CALN1: variants seen among roughly 807,000 people sequenced by gnomAD.
CALN1 encodes the protein calneuron 1, also known as calcium-binding protein 8.
In CALN1, 17 loss-of-function variants were observed where a neutral mutation model predicts 30.6. The ratio of observed to expected loss-of-function variants is 0.56; its 90% CI spans 0.38 to 0.83. CALN1 has a LOEUF of 0.83. CALN1 is among the 40% of genes least tolerant of loss of function. The pLI, the probability that CALN1 is intolerant of heterozygous loss-of-function variation, is 0.00. For missense variants in CALN1, 291 were observed against 354.9 expected (o/e 0.82, Z 1.45); for synonymous variants, 156 against 131.4 (o/e 1.19, Z -1.28).
At chr7:71,942,729 G>C (rs1045842252) in intron 5 of CALN1, among the ~76,000 whole-genome samples, 1 of 152,076 alleles carries the variant, frequency 6.6e-6, no homozygotes, top group East Asian at 1.9e-4. Context: ...GAATGAAGAA[G>C]GTATGATATA....
intron 4 of CALN1, among the ~76,000 whole-genome samples, chr7:72,025,263 T>C (rs844783): frequency 0.01 from 1,587 of 152,110 alleles, 31 homozygotes; most frequent in African/African-American, 0.037. Flanking sequence ...TGAGCCAAGA[T>C]CGCACTGCTG....
At chr7:72,257,754 T>C (rs559592464) in intron 3 of CALN1, among the ~76,000 whole-genome samples, 1 of 152,148 alleles carries the variant, frequency 6.6e-6, no homozygotes, top group South Asian at 2.1e-4. Flanking sequence ...ATGTAGTATA[T>C]GTTATGTGCA....
At chr7:72,091,474 A>C (rs1290344290) in intron 4 of CALN1, among the ~76,000 whole-genome samples, 1 of 152,256 alleles carries the variant, frequency 6.6e-6, no homozygotes, top group Non-Finnish European at 1.5e-5. Context: ...TGATCATCAC[A>C]CATCATATGC....
upstream of CALN1, among the ~76,000 whole-genome samples, chr7:72,451,588 A>G (rs148336243): frequency 3.8e-3 from 573 of 152,066 alleles, 3 homozygotes; most frequent in African/African-American, 0.013. Flanking sequence ...TGACCTATCA[A>G]CCTCCAAACA....
intron 2 of CALN1, among the ~76,000 whole-genome samples, chr7:72,303,206 A>G (rs1453827631): frequency 6.6e-6 from 1 of 152,202 alleles, no homozygotes; most frequent in Non-Finnish European, 1.5e-5. Context: ...AATTCATGAG[A>G]TGGATTCTAA....
At chr7:72,408,415 A>G (rs1304184514) in intron 1 of CALN1, among the ~76,000 whole-genome samples, 2 of 152,210 alleles carry the variant, frequency 1.3e-5, no homozygotes, top group East Asian at 3.9e-4. Flanking sequence ...ACTACACTCC[A>G]GCCTGGGCAA....
chr7:71,957,061 T>G (rs1796997454), intron 5 of CALN1, among the ~76,000 whole-genome samples: 1 of 151,782 alleles, frequency 6.6e-6, no homozygotes, highest in Non-Finnish European at 1.5e-5. Flanking sequence ...TATGAATTGG[T>G]GGGGAGGTGG....
intron 5 of CALN1, among the ~76,000 whole-genome samples, chr7:71,985,121 T>A (rs1798594947): frequency 6.6e-6 from 1 of 151,536 alleles, no homozygotes; most frequent in Non-Finnish European, 1.5e-5. Context: ...TTGAAAAACC[T>A]GGCAAAGACG....
intron 3 of CALN1, among the ~76,000 whole-genome samples, chr7:72,187,185 G>C (rs1790267265): frequency 6.6e-6 from 1 of 152,120 alleles, no homozygotes; most frequent in East Asian, 1.9e-4. Flanking sequence ...AAAACAGGAT[G>C]AATGGATGAA....
intron 4 of CALN1, among the ~76,000 whole-genome samples, chr7:72,044,392 G>A (rs970041114): frequency 1.3e-5 from 2 of 151,950 alleles, no homozygotes; most frequent in Non-Finnish European, 2.9e-5. Flanking sequence ...TGGGGAGATG[G>A]GGGATGAGCA....
chr7:71,839,810 A>G (rs1365023393), intron 5 of CALN1, among the ~76,000 whole-genome samples: 1 of 152,174 alleles, frequency 6.6e-6, no homozygotes, highest in Non-Finnish European at 1.5e-5. Flanking sequence ...AACAAGACAG[A>G]TACTGCATTC....
intron 2 of CALN1, among the ~76,000 whole-genome samples, chr7:72,295,487 A>G (rs1318901383): frequency 6.6e-6 from 1 of 151,354 alleles, no homozygotes; most frequent in Non-Finnish European, 1.5e-5. Flanking sequence ...GATTCTTCCT[A>G]CCCATGAGCA....
intron 3 of CALN1, among the ~76,000 whole-genome samples, chr7:72,136,305 A>G (rs1008450959): frequency 3.9e-5 from 6 of 152,120 alleles, no homozygotes; most frequent in Admixed American, 1.3e-4. Context: ...TTGTACTTTT[A>G]TATTATGGAG....
At chr7:72,110,172 G>A (rs1807461781) in intron 3 of CALN1, among the ~76,000 whole-genome samples, 1 of 152,120 alleles carries the variant, frequency 6.6e-6, no homozygotes, top group African/African-American at 2.4e-5. Flanking sequence ...TGGTCTTCCT[G>A]TATGCCCTAG....
intron 5 of CALN1, among the ~76,000 whole-genome samples, chr7:71,934,070 T>C: frequency 6.6e-6 from 1 of 152,218 alleles, no homozygotes; most frequent in East Asian, 1.9e-4. Flanking sequence ...AGCTCCCTAT[T>C]TGAAAATGCT....
chr7:71,907,549 C>T (rs563291493), intron 5 of CALN1, among the ~76,000 whole-genome samples: 1 of 152,302 alleles, frequency 6.6e-6, no homozygotes, highest in Admixed American at 6.5e-5. Flanking sequence ...TTCAGTCCTT[C>T]CCCTATGTGA....
At chr7:72,385,071 G>A (rs762532168) in intron 2 of CALN1, among the ~76,000 whole-genome samples, 26 of 152,282 alleles carry the variant, frequency 1.7e-4, no homozygotes, top group Non-Finnish European at 2.6e-4. Context: ...AACAGCGCTC[G>A]TCATAGAGAA....
intron 2 of CALN1, among the ~76,000 whole-genome samples, chr7:72,348,126 A>C (rs900565944): frequency 6.6e-6 from 1 of 152,186 alleles, no homozygotes; most frequent in African/African-American, 2.4e-5. Flanking sequence ...GTCTCAAAGA[A>C]AAAAAAGAAA....
intron 3 of CALN1, among the ~76,000 whole-genome samples, chr7:72,216,255 AAAT>A (rs2129548603): frequency 6.6e-6 from 1 of 151,908 alleles, no homozygotes; most frequent in East Asian, 1.9e-4. Flanking sequence ...ACTCTACAAA[AAAT>A]AATAATAATA....
Sources: gnomAD v4.1 joint callset for allele counts (sites outside exome capture counted in the v4.1 genomes callset) on GRCh38, gnomAD v4.1.1 for gene constraint, MANE v1.5 for transcripts, NCBI Gene and HGNC (gene_info 2026-07-23, HGNC 2026-07-21) for gene names.